AFAP1: variants seen among roughly 807,000 people sequenced by gnomAD.
AFAP1 encodes actin filament associated protein 1, also known as actin filament-associated protein 1.
A neutral mutation model predicts 93.9 loss-of-function variants in AFAP1; 75 were observed. The ratio of observed to expected loss-of-function variants is 0.80; its 90% confidence interval spans 0.66 to 0.97. AFAP1 has a LOEUF of 0.97. Among genes scored for constraint, AFAP1 ranks in the 50% least tolerant of loss-of-function variants. The pLI is 0.00. For missense variants in AFAP1, 1,201 were observed against 1,050.8 expected, an observed-to-expected ratio of 1.14 and a Z score of -1.98; for synonymous variants, 517 against 430.7, an observed-to-expected ratio of 1.20 and a Z score of -2.48.
At chr4:7,818,832 C>A (rs1720707486) in intron 7 of AFAP1, among the ~76,000 whole-genome samples, 1 of 152,182 alleles carries the variant, frequency 6.6e-6, no homozygotes, top group Non-Finnish European at 1.5e-5. Context: ...TGAACAAGGC[C>A]CTCACACATT....
rs778617430 is a variant in AFAP1 at position 7,816,103 on chromosome 4, T to C, written c.823-4A>G. 7.5e-6 allele frequency: 12 copies of C among 1,608,834 alleles called. No individual in the cohort carries two copies. The highest frequency in any genetic ancestry group is 9.3e-6 in the Non-Finnish European group (11 of 1,177,704). ...TGGGTCTCTCTGAAGACAGTTTCTG[T>C]AAGGAGAAAAAGATTAAGTTATTCT... On this transcript the variant is annotated splice_polypyrimidine_tract_variant and splice_region_variant and intron_variant, in intron 7 of 17. Transcript: ENST00000420658.
At chr4:7,853,689 C>T (rs1296316462) in intron 4 of AFAP1, among the ~76,000 whole-genome samples, 1 of 152,186 alleles carries the variant, frequency 6.6e-6, no homozygotes, top group Non-Finnish European at 1.5e-5. Context: ...AGACCATAAC[C>T]CACGCAGGTT....
chr4:7,850,923 T>C (rs1026515573), intron 4 of AFAP1, among the ~76,000 whole-genome samples: 1 of 152,210 alleles, frequency 6.6e-6, no homozygotes, highest in Non-Finnish European at 1.5e-5. Flanking sequence ...AGGTGGCAGG[T>C]CCTACCAGGT....
chr4:7,935,958 AAT>A (rs1196069852), intron 1 of AFAP1, among the ~76,000 whole-genome samples: 7 of 152,342 alleles, frequency 4.6e-5, no homozygotes, highest in African/African-American at 1.2e-4. Flanking sequence ...TTAAAACATT[AAT>A]AAAATCTAGA....
At chr4:7,884,021 C>A (rs1718002782) in intron 1 of AFAP1, among the ~76,000 whole-genome samples, 1 of 152,098 alleles carries the variant, frequency 6.6e-6, no homozygotes, top group Non-Finnish European at 1.5e-5. Flanking sequence ...TGTTGGGTCA[C>A]GGGGGTGGAT....
At chr4:7,908,189 G>A (rs1719533094) in intron 1 of AFAP1, among the ~76,000 whole-genome samples, 1 of 152,000 alleles carries the variant, frequency 6.6e-6, no homozygotes. Flanking sequence ...TCCAGCCTGG[G>A]CGACAGAGCA....
rs1281932123 is a variant in AFAP1, at chr4:7,939,582, G to T, written c.-3+74C>A. On this transcript the variant is annotated intron_variant, in intron 1 of 17. Transcript: ENST00000420658. The surrounding 1 kb of genome is among the most constrained non-coding windows in gnomAD (Gnocchi z 5.6). ...CGGACCCCGGACCCTGCGGAGCCCC[G>T]CTCGGAGCTTCCACGCCCGGGGCAG... 4 of 390,582 alleles carry T rather than the reference G, an allele frequency of 1.0e-5. No individual in the cohort carries two copies. Among genetic ancestry groups the T allele is most frequent in the Non-Finnish European group, 2.0e-5 (4 of 199,960 alleles). The allele number at this position is 390,582 out of a possible 1,614,324, so 24.2% of individuals were successfully genotyped here. A position where few individuals can be genotyped will look rare whatever the true frequency, so the allele number is the denominator to read the frequency against.
At chr4:7,771,733 T>C (rs1220996954) in intron 16 of AFAP1, among the ~76,000 whole-genome samples, 1 of 152,158 alleles carries the variant, frequency 6.6e-6, no homozygotes, top group African/African-American at 2.4e-5. Flanking sequence ...GAACCATGCA[T>C]GAGTGGCTGG....
intron 7 of AFAP1, among the ~76,000 whole-genome samples, chr4:7,818,557 G>A (rs1382599300): frequency 6.6e-6 from 1 of 152,210 alleles, no homozygotes; most frequent in Non-Finnish European, 1.5e-5. Flanking sequence ...TGCATGCAGA[G>A]CAGGGCCTGC....
chr4:7,809,876 T>TA, intron 8 of AFAP1, 113 bp from the exon 9 acceptor site: 1 of 1,265,930 alleles, frequency 7.9e-7, no homozygotes, highest in Non-Finnish European at 1.1e-6. Flanking sequence ...TTTCTTTTAT[T>TA]AAAGACAGGG....
chr4:7,828,997 G>T (rs186495791), intron 6 of AFAP1, among the ~76,000 whole-genome samples: 1 of 152,174 alleles, frequency 6.6e-6, no homozygotes, highest in Non-Finnish European at 1.5e-5. Context: ...TGCTGTTCTC[G>T]TGATAGTTAC....
chr4:7,857,049 A>G (rs1007480079), intron 3 of AFAP1, among the ~76,000 whole-genome samples: 1 of 152,186 alleles, frequency 6.6e-6, no homozygotes, highest in African/African-American at 2.4e-5. Flanking sequence ...CCTTTTTAAT[A>G]TTCATATTCT....
chr4:7,772,651 C>T (rs750721885), intron 16 of AFAP1, 169 bp downstream of exon 16: 107 of 623,348 alleles, frequency 1.7e-4, no homozygotes, highest in Non-Finnish European at 2.2e-4. Flanking sequence ...AACACAGGCC[C>T]GGCCGATGAA....
intron 17 of AFAP1, among the ~76,000 whole-genome samples, chr4:7,765,011 C>T (rs543286462): frequency 6.4e-4 from 97 of 152,224 alleles, no homozygotes; most frequent in African/African-American, 2.1e-3. Flanking sequence ...TAGGCTGAGG[C>T]GAGAGGATTG....
intron 1 of AFAP1, among the ~76,000 whole-genome samples, chr4:7,927,762 G>A (rs1720847820): frequency 1.3e-5 from 2 of 152,066 alleles, no homozygotes; most frequent in Non-Finnish European, 1.5e-5. Flanking sequence ...TATGCAGAAT[G>A]GTTACTTCTA....
intron 17 of AFAP1, 65 bp downstream of exon 17, chr4:7,768,779 G>A (rs17382630): frequency 0.013 from 19,244 of 1,476,450 alleles, 153 homozygotes; most frequent in South Asian, 0.016. Context: ...ACTCACACCC[G>A]AGAATGCTGG....
At chr4:7,867,131 CGGAGG>C (rs796753863) in intron 3 of AFAP1, among the ~76,000 whole-genome samples, 87 of 11,898 alleles carry the variant, frequency 7.3e-3, no homozygotes, top group African/African-American at 0.019. Context: ...GGTAGGGGAG[CGGAGG>C]GGAGGGGAGG....
At chr4:7,934,313 C>T (rs910892413) in intron 1 of AFAP1, among the ~76,000 whole-genome samples, 1 of 152,214 alleles carries the variant, frequency 6.6e-6, no homozygotes, top group African/African-American at 2.4e-5. Context: ...CACTCTGCTG[C>T]ACTGAAATGA....
intron 13 of AFAP1, among the ~76,000 whole-genome samples, chr4:7,779,765 G>A (rs1716563440): frequency 1.3e-5 from 2 of 152,134 alleles, no homozygotes; most frequent in African/African-American, 4.8e-5. Flanking sequence ...TCCCCACAGT[G>A]TTCCTAAAAA....
Sources: allele counts gnomAD v4.1 joint callset (sites outside exome capture counted in the v4.1 genomes callset), GRCh38; gene constraint gnomAD v4.1.1; non-coding constraint Gnocchi (gnomAD v3.1); transcripts MANE v1.5; gene names NCBI Gene and HGNC (gene_info 2026-07-23, HGNC 2026-07-21).